GLIS3: variants seen among roughly 807,000 people sequenced by gnomAD.
GLIS3 encodes the protein GLIS family zinc finger 3, also known as zinc finger protein GLIS3.
A neutral mutation model predicts 78.6 loss-of-function variants in GLIS3; 53 were observed. That is an observed-to-expected ratio of 0.67 (90% CI 0.54 to 0.85). The LOEUF (loss-of-function observed/expected upper bound fraction) is 0.85, where lower values mean the gene tolerates loss of function less well. Ranked by LOEUF, GLIS3 falls within the 40% of genes least tolerant of loss-of-function variation. GLIS3 has a pLI of 0.00. For synonymous variants in GLIS3, 684 were observed against 509.9 expected, an observed-to-expected ratio of 1.34 and a Z score of -4.60; for missense variants, 1,703 against 1,231.1, an observed-to-expected ratio of 1.38 and a Z score of -5.74.
chr9:4,353,932 A>C, the GLIS3 span, among the ~76,000 whole-genome samples: 1 of 151,430 alleles, frequency 6.6e-6, no homozygotes, highest in South Asian at 2.1e-4. Context: ...GGTTCACGCC[A>C]TTCTCCTGCC....
chr9:4,472,260 C>G, the GLIS3 span, among the ~76,000 whole-genome samples: 1 of 152,180 alleles, frequency 6.6e-6, no homozygotes, highest in South Asian at 2.1e-4. Flanking sequence ...TTACTGGGTA[C>G]ATACCCAAAG....
chr9:4,361,399 T>A, the GLIS3 span, among the ~76,000 whole-genome samples: 1 of 152,202 alleles, frequency 6.6e-6, no homozygotes, highest in Non-Finnish European at 1.5e-5. Context: ...CAATCTTGCT[T>A]CTCTTACTCC....
chr9:4,333,003 C>T (rs1817707803), intron 2 of GLIS3, among the ~76,000 whole-genome samples: 1 of 152,208 alleles, frequency 6.6e-6, no homozygotes, highest in Non-Finnish European at 1.5e-5. Context: ...TGAGTGCTTA[C>T]TCTGACAGCT....
chr9:4,163,165 G>C (rs1835630369), intron 2 of GLIS3, among the ~76,000 whole-genome samples: 1 of 152,266 alleles, frequency 6.6e-6, no homozygotes, highest in Non-Finnish European at 1.5e-5. Context: ...AGGAGAGTTA[G>C]GGTTTGAACA....
chr9:4,171,868 G>A (rs184062031), intron 2 of GLIS3, among the ~76,000 whole-genome samples: 1 of 152,288 alleles, frequency 6.6e-6, no homozygotes, highest in Admixed American at 6.5e-5. Flanking sequence ...AGGACTGGCT[G>A]CTAAGGAATA....
chr9:4,021,404 T>C (rs1822874916), intron 4 of GLIS3, among the ~76,000 whole-genome samples: 1 of 152,192 alleles, frequency 6.6e-6, no homozygotes, highest in Non-Finnish European at 1.5e-5. Context: ...AGCTAACTAA[T>C]GTTTAGTTTA....
intron 4 of GLIS3, among the ~76,000 whole-genome samples, chr9:4,033,879 A>AAC (rs1451510517): frequency 4.0e-5 from 6 of 150,500 alleles, no homozygotes; most frequent in African/African-American, 1.5e-4. Context: ...AAAAAAAAAA[A>AAC]AAAAAAAAAA....
chr9:4,082,884 G>A (rs917898743), intron 4 of GLIS3, among the ~76,000 whole-genome samples: 4 of 152,020 alleles, frequency 2.6e-5, no homozygotes, highest in South Asian at 4.2e-4. Flanking sequence ...CATATTTTTC[G>A]ACACCTCTTT....
chr9:3,939,860 C>A (rs138202476), intron 4 of GLIS3, among the ~76,000 whole-genome samples: 84 of 152,132 alleles, frequency 5.5e-4, no homozygotes, highest in African/African-American at 1.9e-3. Flanking sequence ...ACCATGGAAC[C>A]CAAGACCAGT....
At chr9:4,031,006 G>A (rs960605170) in intron 4 of GLIS3, among the ~76,000 whole-genome samples, 3 of 152,172 alleles carry the variant, frequency 2.0e-5, no homozygotes, top group Non-Finnish European at 4.4e-5. Flanking sequence ...ACAAGTGTTG[G>A]CCAGGAAGTG....
intron 1 of GLIS3, among the ~76,000 whole-genome samples, chr9:4,287,550 T>A (rs1316601778): frequency 2.0e-5 from 3 of 152,224 alleles, no homozygotes; most frequent in African/African-American, 7.2e-5. Flanking sequence ...ACTGTCACAA[T>A]CTGTCTTTCA....
At chr9:4,484,583 A>C in the GLIS3 span, among the ~76,000 whole-genome samples, 203 of 151,336 alleles carry the variant, frequency 1.3e-3, no homozygotes, top group Middle Eastern at 3.4e-3. Context: ...ACACCTGGCT[A>C]ATTTTTGTAT....
chr9:4,080,175 C>T (rs939686215), intron 4 of GLIS3, among the ~76,000 whole-genome samples: 3 of 152,148 alleles, frequency 2.0e-5, no homozygotes, highest in African/African-American at 7.2e-5. Context: ...TCCTTTCTTC[C>T]AATTCTAAGA....
At chr9:4,424,623 G>A in the GLIS3 span, among the ~76,000 whole-genome samples, 1 of 152,172 alleles carries the variant, frequency 6.6e-6, no homozygotes, top group East Asian at 1.9e-4. Flanking sequence ...GAGTGCAGAG[G>A]CATGATCACA....
intron 4 of GLIS3, among the ~76,000 whole-genome samples, chr9:4,083,341 C>T (rs528569730): frequency 2.6e-5 from 4 of 152,274 alleles, no homozygotes; most frequent in African/African-American, 9.6e-5. Flanking sequence ...ACTCTTTTCA[C>T]TGAGCCTGGC....
intron 4 of GLIS3, among the ~76,000 whole-genome samples, chr9:4,056,693 A>C (rs1351023835): frequency 6.6e-6 from 1 of 152,162 alleles, no homozygotes; most frequent in East Asian, 1.9e-4. Flanking sequence ...GCACGTGTGC[A>C]TATATATACA....
chr9:4,462,630 C>G, the GLIS3 span, among the ~76,000 whole-genome samples: 1 of 145,632 alleles, frequency 6.9e-6, no homozygotes, highest in Non-Finnish European at 1.5e-5. Flanking sequence ...CACACACACA[C>G]ACAGACACGC....
intron 2 of GLIS3, among the ~76,000 whole-genome samples, chr9:4,172,446 G>C (rs1408058145): frequency 6.6e-6 from 1 of 152,158 alleles, no homozygotes; most frequent in Non-Finnish European, 1.5e-5. Context: ...ATCTGGAGTT[G>C]ATTCTCAACA....
intron 2 of GLIS3, among the ~76,000 whole-genome samples, chr9:4,153,927 A>G (rs533321184): frequency 1.3e-5 from 2 of 152,156 alleles, no homozygotes; most frequent in South Asian, 4.1e-4. Context: ...TCTCTCATGC[A>G]CTGCAGTCAC....
Sources: gnomAD v4.1 joint callset for allele counts (sites outside exome capture counted in the v4.1 genomes callset) on GRCh38, gnomAD v4.1.1 for gene constraint, MANE v1.5 for transcripts, NCBI Gene and HGNC (gene_info 2026-07-23, HGNC 2026-07-21) for gene names.